PIR: variants seen among roughly 807,000 people sequenced by gnomAD.
The protein encoded by PIR is pirin, also known as pirin (iron-binding nuclear protein).
A neutral mutation model predicts 24.2 loss-of-function variants in PIR; 22 were observed. The ratio of observed to expected loss-of-function variants is 0.91; its 90% CI spans 0.65 to 1.30. The LOEUF is 1.30. Among genes scored for constraint, PIR ranks in the 50% most tolerant of loss-of-function variants. The pLI, the probability that PIR is intolerant of heterozygous loss-of-function variation, is 0.00. For synonymous variants in PIR, 80 were observed against 79.6 expected (o/e 1.00, Z -0.03); for missense variants, 220 against 220.3 (o/e 1.00, Z 0.01).
intron 6 of PIR, among the ~76,000 whole-genome samples, chrX:15,425,548 A>G (rs1178654224): frequency 1.8e-5 from 2 of 108,555 alleles, no homozygotes; most frequent in Non-Finnish European, 3.8e-5. Flanking sequence ...AGTAGCTGGG[A>G]CTACAGGCGT....
chrX:15,466,749 C>T (rs947940361), intron 3 of PIR, among the ~76,000 whole-genome samples: 8 of 111,775 alleles, frequency 7.2e-5, no homozygotes, highest in African/African-American at 2.3e-4. Context: ...TCTTCATTCA[C>T]GCTTCCTGGA....
chrX:15,432,196 T>G (rs1487837505), intron 5 of PIR, among the ~76,000 whole-genome samples: 1 of 111,774 alleles, frequency 8.9e-6, no homozygotes, highest in Non-Finnish European at 1.9e-5. Context: ...AACTTTTCAT[T>G]CATTTATCAA....
intron 8 of PIR, among the ~76,000 whole-genome samples, chrX:15,391,686 TAGTTA>T (rs768814308): frequency 2.7e-5 from 3 of 111,915 alleles, no homozygotes; most frequent in South Asian, 3.7e-4. Flanking sequence ...CCTGGTAACT[TAGTTA>T]AGTTGAGACA....
intron 5 of PIR, among the ~76,000 whole-genome samples, chrX:15,426,445 C>G (rs1342103538): frequency 2.7e-5 from 3 of 111,826 alleles, no homozygotes; most frequent in African/African-American, 9.7e-5. Flanking sequence ...GGCCCTCTGG[C>G]TAACAAAAAT....
chrX:15,393,720 G>C (rs987667471), intron 8 of PIR, among the ~76,000 whole-genome samples: 5 of 108,379 alleles, frequency 4.6e-5, no homozygotes, highest in Admixed American at 1.0e-4. Flanking sequence ...CTAATGATCT[G>C]TCACTGTCTC....
chrX:15,457,285 G>A (rs988625937), intron 4 of PIR, among the ~76,000 whole-genome samples: 7 of 111,192 alleles, frequency 6.3e-5, no homozygotes, highest in Non-Finnish European at 1.3e-4. Flanking sequence ...GTCAGTGAGG[G>A]CTGGAGAAAG....
intron 1 of PIR, among the ~76,000 whole-genome samples, chrX:15,491,913 C>G (rs1241214193): frequency 4.5e-5 from 5 of 110,608 alleles, no homozygotes; most frequent in African/African-American, 1.6e-4. Flanking sequence ...TGCATTTCTC[C>G]GAACATATCC....
chrX:15,492,704 G>T (rs1602312172), intron 1 of PIR, among the ~76,000 whole-genome samples: 1 of 111,488 alleles, frequency 9.0e-6, no homozygotes, highest in East Asian at 2.8e-4. Context: ...ACCTCAAAGG[G>T]GTGCAGTTAG....
At chrX:15,460,365 T>A (rs1370179479) in intron 3 of PIR, among the ~76,000 whole-genome samples, 2 of 111,795 alleles carry the variant, frequency 1.8e-5, no homozygotes, top group African/African-American at 6.5e-5. Context: ...GACCAATAAA[T>A]AGATAATGTG....
chrX:15,474,000 C>T (rs1435735980), intron 3 of PIR, among the ~76,000 whole-genome samples: 1 of 112,004 alleles, frequency 8.9e-6, no homozygotes, highest in Non-Finnish European at 1.9e-5. Flanking sequence ...GGAATTATAT[C>T]GGGTTCTTAC....
At chrX:15,458,833 G>A (rs553495088) in intron 4 of PIR, among the ~76,000 whole-genome samples, 1 of 112,283 alleles carries the variant, frequency 8.9e-6, no homozygotes, top group Non-Finnish European at 1.9e-5. Flanking sequence ...CCACTTCCAC[G>A]ATCAGGACAT....
rs757240262 is a variant in PIR, at chrX:15,461,158, G to A, written c.190-1418C>T. Among the ~76,000 whole-genome samples the A allele has an allele frequency of 6.3e-5, 7 of 111,724 alleles. No individual in the cohort carries two copies. The East Asian group carries it at 1.7e-3, about 27-fold the overall frequency. On this transcript the variant is annotated intron_variant, in intron 3 of 9. Coordinates refer to ENST00000380420, the MANE Select transcript of PIR (RefSeq NM_001018109.3). ...GGCATGGTGGGCCCTGGAGATTGGG[G>A]TGAAAGAGAGACAGCTCCTGTTGAA...
chrX:15,442,292 G>A (rs1398676669), intron 5 of PIR, among the ~76,000 whole-genome samples: 1 of 110,766 alleles, frequency 9.0e-6, no homozygotes, highest in Non-Finnish European at 1.9e-5. Flanking sequence ...AAACTGTGCC[G>A]ACATAAGACA....
At chrX:15,452,141 A>G (rs1020730403) in intron 5 of PIR, among the ~76,000 whole-genome samples, 1 of 111,727 alleles carries the variant, frequency 9.0e-6, no homozygotes, top group South Asian at 3.8e-4. Context: ...TTTGCTTCTG[A>G]CAACAGAATT....
At chrX:15,400,749 A>ATATTTATTTATTTATT (rs1924352183) in intron 7 of PIR, among the ~76,000 whole-genome samples, 1 of 104,117 alleles carries the variant, frequency 9.6e-6, no homozygotes, top group Non-Finnish European at 2.0e-5. Flanking sequence ...ATTTATTTAT[A>ATATTTATTTATTTATT]TATTTATTTA....
Position 15,410,425 on chromosome X carries a change from T to C in PIR, c.566-2875A>G, listed in dbSNP as rs910102906. Among the ~76,000 whole-genome samples, 8 of 111,639 alleles carry C rather than the reference T, an allele frequency of 7.2e-5. No individual in the cohort carries two copies. The Admixed American group carries it at 7.6e-4, about 11-fold the overall frequency. ...TATACAACGAATCCTCTATTCACGG[T>C]TTAAAGGTATTAAAAAGTGGTTACC... On this transcript the variant is annotated intron_variant, in intron 6 of 9. Transcript: ENST00000380420.
intron 3 of PIR, among the ~76,000 whole-genome samples, chrX:15,470,852 C>A (rs1381406384): frequency 3.6e-5 from 4 of 111,797 alleles, no homozygotes; most frequent in South Asian, 7.5e-4. Flanking sequence ...ATCCACCTGC[C>A]TTAGCCTCCA....
At chrX:15,399,682 G>A (rs763847238) in intron 7 of PIR, among the ~76,000 whole-genome samples, 316 of 111,738 alleles carry the variant, frequency 2.8e-3, no homozygotes, top group Non-Finnish European at 4.7e-3. Context: ...TCACATTATG[G>A]TTTTGTAGAT....
At chrX:15,428,798 C>T (rs1394575701) in intron 5 of PIR, among the ~76,000 whole-genome samples, 4 of 111,659 alleles carry the variant, frequency 3.6e-5, no homozygotes, top group Admixed American at 9.5e-5. Context: ...TGTGAGCCAC[C>T]GTGCCCAGCT....
Sources: allele counts gnomAD v4.1 joint callset (sites outside exome capture counted in the v4.1 genomes callset), GRCh38; gene constraint gnomAD v4.1.1; transcripts MANE v1.5; gene names NCBI Gene and HGNC (gene_info 2026-07-23, HGNC 2026-07-21).